UNC79: variants seen among roughly 807,000 people sequenced by gnomAD.
The protein encoded by UNC79 is unc-79 subunit of NALCN channel complex.
Under a neutral mutation model 283.1 loss-of-function variants are expected in UNC79, and 37 were observed. The observed-to-expected ratio is 0.13, with a 90% CI of 0.10 to 0.17. UNC79 has a LOEUF of 0.17. Ranked by LOEUF, UNC79 falls within the 10% of genes least tolerant of loss-of-function variation. The pLI is 1.00. For synonymous variants in UNC79, 1,107 were observed against 1,200.2 expected, an observed-to-expected ratio of 0.92 and a Z score of 1.61; for missense variants, 2,272 against 3,211.1, an observed-to-expected ratio of 0.71 and a Z score of 7.07.
At chr14:93,369,155 G>A (rs893927589) in intron 1 of UNC79, among the ~76,000 whole-genome samples, 1 of 152,206 alleles carries the variant, frequency 6.6e-6, no homozygotes, top group African/African-American at 2.4e-5. Context: ...GTTGTTGTGA[G>A]CTTTGGTGCA....
At chr14:93,512,603 A>C (rs1340200238) in intron 7 of UNC79, among the ~76,000 whole-genome samples, 1 of 151,976 alleles carries the variant, frequency 6.6e-6, no homozygotes, top group Non-Finnish European at 1.5e-5. Flanking sequence ...ATTTGTATTA[A>C]TTTTTCAAGT....
chr14:93,614,329 TTA>T (rs1315526130), intron 27 of UNC79, among the ~76,000 whole-genome samples: 1 of 145,480 alleles, frequency 6.9e-6, no homozygotes, highest in African/African-American at 2.8e-5. Context: ...ATTTATTTAT[TTA>T]TTTAGAGACG....
intron 37 of UNC79, 88 bp downstream of exon 40, chr14:93,654,113 T>C (rs1339593799): frequency 9.5e-7 from 1 of 1,053,090 alleles, no homozygotes; most frequent in East Asian, 2.4e-5. Context: ...AGTCACACCA[T>C]AGGATACTGC....
At chr14:93,452,942 TAAAG>T (rs1266313480) in intron 1 of UNC79, among the ~76,000 whole-genome samples, 2 of 152,236 alleles carry the variant, frequency 1.3e-5, no homozygotes, top group Non-Finnish European at 2.9e-5. Context: ...TTGTTCAAGT[TAAAG>T]AAAATTTTGC....
chr14:93,583,803 C>CTT (rs386382193), intron 20 of UNC79, among the ~76,000 whole-genome samples: 8,119 of 127,134 alleles, frequency 0.064, 646 homozygotes, highest in African/African-American at 0.18. Context: ...TGTTGGAGGT[C>CTT]TTTTTTTTTT....
chr14:93,581,316 A>G (rs972118905), intron 19 of UNC79, among the ~76,000 whole-genome samples: 4 of 149,464 alleles, frequency 2.7e-5, no homozygotes, highest in Non-Finnish European at 4.5e-5. Context: ...AACTGGACAC[A>G]GGCATGCCAC....
intron 1 of UNC79, among the ~76,000 whole-genome samples, chr14:93,339,204 A>C (rs1394299808): frequency 6.6e-6 from 1 of 152,200 alleles, no homozygotes; most frequent in Non-Finnish European, 1.5e-5. Context: ...GACAACCCCC[A>C]ACCAGATTAG....
At chr14:93,493,901 A>ATATATATATATT (rs1251701550) in intron 5 of UNC79, among the ~76,000 whole-genome samples, 2 of 49,248 alleles carry the variant, frequency 4.1e-5, no homozygotes, top group South Asian at 1.2e-3. Flanking sequence ...ATATATATAT[A>ATATATATATATT]TTTTTTTTTT....
chr14:93,418,470 G>T (rs938817607), intron 1 of UNC79, among the ~76,000 whole-genome samples: 2 of 151,790 alleles, frequency 1.3e-5, no homozygotes, highest in African/African-American at 4.8e-5. Flanking sequence ...GGGGTCAGGA[G>T]TCAGGGACCC....
chr14:93,463,481 A>G (rs1210902430), intron 1 of UNC79, among the ~76,000 whole-genome samples: 1 of 152,164 alleles, frequency 6.6e-6, no homozygotes. Flanking sequence ...CTTCGACAAG[A>G]GAGATTCTAC....
intron 14 of UNC79, among the ~76,000 whole-genome samples, chr14:93,555,314 TAC>T (rs2062111046): frequency 3.3e-5 from 5 of 151,198 alleles, no homozygotes; most frequent in African/African-American, 9.7e-5. Flanking sequence ...ATCACATACA[TAC>T]ATGACACATA....
chr14:93,640,916 A>G (rs1287651140), intron 32 of UNC79, among the ~76,000 whole-genome samples: 2 of 152,102 alleles, frequency 1.3e-5, no homozygotes, highest in Non-Finnish European at 2.9e-5. Flanking sequence ...TTCAAAGTCA[A>G]GAAGCAAAGA....
At chr14:93,482,838 G>T (rs2058210201) in intron 4 of UNC79, among the ~76,000 whole-genome samples, 1 of 152,094 alleles carries the variant, frequency 6.6e-6, no homozygotes, top group Non-Finnish European at 1.5e-5. Context: ...CTCCAAACAT[G>T]TAAATCAGAT....
At chr14:93,368,920 C>T (rs540334513) in intron 1 of UNC79, among the ~76,000 whole-genome samples, 167 of 152,310 alleles carry the variant, frequency 1.1e-3, no homozygotes, top group African/African-American at 3.8e-3. Context: ...CCAGATTTCA[C>T]CAAAAGTTCT....
Position 93,460,328 on chromosome 14 carries a change from T to C in UNC79, c.23-7343T>C, listed in dbSNP as rs1302837752. Among the ~76,000 whole-genome samples, 4 of 149,508 alleles carry C rather than the reference T, an allele frequency of 2.7e-5. No homozygotes were observed. The South Asian group carries it at 8.5e-4, about 32-fold the overall frequency. ...TTCGAGGCCAGCCTGACCAACATGG[T>C]GAAACCCTGTCTCTACTAAAAATAC... On this transcript the variant is annotated intron_variant, in intron 1 of 48. Transcript: ENST00000555664.
At chr14:93,631,875 C>T (rs141358711) in intron 31 of UNC79, among the ~76,000 whole-genome samples, 101 of 152,292 alleles carry the variant, frequency 6.6e-4, no homozygotes, top group African/African-American at 2.3e-3. Flanking sequence ...AATAAAACAC[C>T]GCTTGTTCTC....
At chr14:93,427,905 A>G (rs563428070), upstream of UNC79, among the ~76,000 whole-genome samples, 1 of 152,318 alleles carries the variant, frequency 6.6e-6, no homozygotes, top group African/African-American at 2.4e-5. Flanking sequence ...TAGTGGTAAC[A>G]TTAGTGTTCA....
intron 1 of UNC79, among the ~76,000 whole-genome samples, chr14:93,442,465 C>A (rs1053514201): frequency 6.6e-6 from 1 of 151,844 alleles, no homozygotes; most frequent in Non-Finnish European, 1.5e-5. Context: ...CTAGCTTATT[C>A]TTGGTGATTC....
chr14:93,453,723 A>G (rs1217782843), intron 1 of UNC79, among the ~76,000 whole-genome samples: 1 of 152,232 alleles, frequency 6.6e-6, no homozygotes, highest in African/African-American at 2.4e-5. Context: ...ACTTTGAAAA[A>G]TAAGTCTTTA....
Sources: gnomAD v4.1 joint callset for allele counts (sites outside exome capture counted in the v4.1 genomes callset) on GRCh38, gnomAD v4.1.1 for gene constraint, MANE v1.5 for transcripts, NCBI Gene and HGNC (gene_info 2026-07-23, HGNC 2026-07-21) for gene names.